RORB: variants seen among roughly 807,000 people sequenced by gnomAD.
RORB encodes the protein RAR related orphan receptor B.
Under a neutral mutation model 59.1 loss-of-function variants are expected in RORB, and 6 were observed. The observed-to-expected ratio is 0.10, with a 90% CI of 0.06 to 0.20. The LOEUF is 0.20. Among genes scored for constraint, RORB ranks in the 10% least tolerant of loss-of-function variants. The pLI is 1.00. For missense variants in RORB, 320 were observed against 560.5 expected, an observed-to-expected ratio of 0.57 and a Z score of 4.33; for synonymous variants, 215 against 204.5, an observed-to-expected ratio of 1.05 and a Z score of -0.44.
intron 1 of RORB, among the ~76,000 whole-genome samples, chr9:74,593,718 C>T (rs769731955): frequency 7.2e-5 from 11 of 152,118 alleles, no homozygotes; most frequent in Non-Finnish European, 1.3e-4. Context: ...GGACAGTGAA[C>T]AATGTTGCTG....
At chr9:74,553,369 T>A (rs1320027796) in intron 1 of RORB, among the ~76,000 whole-genome samples, 1 of 152,154 alleles carries the variant, frequency 6.6e-6, no homozygotes, top group African/African-American at 2.4e-5. Flanking sequence ...TAAGAATTCC[T>A]TGTAAGAATG....
intron 1 of RORB, among the ~76,000 whole-genome samples, chr9:74,541,877 A>G (rs1370540491): frequency 6.6e-6 from 1 of 152,216 alleles, no homozygotes; most frequent in Non-Finnish European, 1.5e-5. Flanking sequence ...GGAGACCTCC[A>G]TGACATTAGA....
chr9:74,653,049 C>T (rs1278517817), intron 4 of RORB, among the ~76,000 whole-genome samples: 2 of 152,188 alleles, frequency 1.3e-5, no homozygotes, highest in Non-Finnish European at 1.5e-5. Flanking sequence ...TCTTTTCTGA[C>T]ATTGCCATCA....
Position 74,538,495 on chromosome 9 carries a change from C to G in RORB, c.7+40512C>G, listed in dbSNP as rs181952205. 7.4e-4 allele frequency among the ~76,000 whole-genome samples: 112 copies of G among 152,074 alleles called. 1 individual carries two copies. Among genetic ancestry groups the G allele is most frequent in the Non-Finnish European group, 1.3e-3 (85 of 67,918 alleles). ...AAATTTCAAGAGATTATTTGTTTTG[C>G]ATAATTTATTGTGAAAGTGCTTCCT... On this transcript the variant is annotated intron_variant, in intron 1 of 9. Coordinates refer to ENST00000376896, the MANE Select transcript of RORB (RefSeq NM_006914.4).
chr9:74,600,942 G>A (rs1257470738), intron 1 of RORB, among the ~76,000 whole-genome samples: 1 of 152,038 alleles, frequency 6.6e-6, no homozygotes, highest in Admixed American at 6.6e-5. Context: ...CATGTTAAGT[G>A]GCAGGTAAAA....
intron 1 of RORB, among the ~76,000 whole-genome samples, chr9:74,583,246 T>C (rs1289886696): frequency 1.3e-5 from 2 of 152,070 alleles, no homozygotes; most frequent in South Asian, 2.1e-4. Context: ...AAGCAGCAGC[T>C]AGACTAAAGA....
intron 1 of RORB, among the ~76,000 whole-genome samples, chr9:74,587,710 G>C (rs778721635): frequency 6.6e-6 from 1 of 152,274 alleles, no homozygotes; most frequent in East Asian, 1.9e-4. Flanking sequence ...GGCTAGCCTG[G>C]GCTTTTTCAC....
chr9:74,603,260 G>A (rs931545456), intron 1 of RORB, among the ~76,000 whole-genome samples: 1 of 152,168 alleles, frequency 6.6e-6, no homozygotes, highest in Non-Finnish European at 1.5e-5. Flanking sequence ...GGCTTTTGCA[G>A]CTCTCTTTGG....
chr9:74,631,326 C>A (rs1823613692), intron 2 of RORB, among the ~76,000 whole-genome samples: 1 of 152,218 alleles, frequency 6.6e-6, no homozygotes, highest in South Asian at 2.1e-4. Context: ...AATGCAGCCA[C>A]AGTCTGGGAG....
intron 1 of RORB, among the ~76,000 whole-genome samples, chr9:74,620,002 C>CT (rs981989665): frequency 2.1e-4 from 32 of 151,832 alleles, no homozygotes; most frequent in African/African-American, 3.9e-4. Context: ...CTAAAATTCT[C>CT]TTTTTTTTGC....
At chr9:74,568,338 T>C (rs1224641541) in intron 1 of RORB, among the ~76,000 whole-genome samples, 2 of 150,666 alleles carry the variant, frequency 1.3e-5, no homozygotes, top group African/African-American at 2.4e-5. Context: ...TAGAGAGAGG[T>C]CACCTAAAAT....
intron 1 of RORB, among the ~76,000 whole-genome samples, chr9:74,528,018 C>T (rs1826180880): frequency 6.6e-6 from 1 of 151,920 alleles, no homozygotes; most frequent in Admixed American, 6.6e-5. Context: ...AACAGATGAC[C>T]ATAAATATAG....
chr9:74,670,576 G>A (rs559439832), intron 8 of RORB, among the ~76,000 whole-genome samples: 4 of 152,156 alleles, frequency 2.6e-5, no homozygotes, highest in Non-Finnish European at 5.9e-5. Flanking sequence ...ACCTAGTGGG[G>A]ACTCTTCCAG....
In RORB at chr9:74,639,395, G is replaced by T. The variant is rs75009705; in HGVS notation, c.236-3019G>T. Reference sequence around the variant, plus strand: ...GCAAACTGACATGGGGAAGGGCATGGAAAGAAATAGACAAGAGGAATCAGG... The same window carrying T: ...GCAAACTGACATGGGGAAGGGCATGTAAAGAAATAGACAAGAGGAATCAGG... On this transcript the variant is annotated intron_variant, in intron 3 of 9. Transcript: ENST00000376896. Among the ~76,000 whole-genome samples the T allele has an allele frequency of 9.7e-3, 1,480 of 152,202 alleles. 21 individuals carry two copies. Among genetic ancestry groups the T allele is most frequent in the African/African-American group, 0.033 (1,375 of 41,518 alleles).
intron 1 of RORB, among the ~76,000 whole-genome samples, chr9:74,524,157 GGGTTTTATGTGA>G (rs1826122306): frequency 6.6e-6 from 1 of 151,670 alleles, no homozygotes; most frequent in Non-Finnish European, 1.5e-5. Context: ...TGCCAGGGTG[GGGTTTTATGTGA>G]GGTGCTAGGA....
chr9:74,664,852 C>T lies in RORB; in HGVS notation c.893-636C>T, dbSNP rs911599740. ...TCAACTGCACTATGGGGCAAAAGCC[C>T]ATTTCTCCAAAACATGGGAAGCTAT... On this transcript the variant is annotated intron_variant, in intron 6 of 9. Transcript: ENST00000376896. Among the ~76,000 whole-genome samples the T allele has an allele frequency of 2.0e-5, 3 of 152,232 alleles. No homozygotes were observed. In the East Asian group the frequency reaches 5.8e-4, roughly 29 times the overall value.
rs555264162 is a variant in RORB at position 74,603,300 on chromosome 9, G to A, written c.8-26982G>A. ...ATGGCAGTGAGCTCAGCCACAGGAC[G>A]GGCAGTTTTCATGCTCAGTAGCAAC... is the stretch of plus-strand genomic sequence containing the variant. On this transcript the variant is annotated intron_variant, in intron 1 of 9. Transcript: ENST00000376896. Among the ~76,000 whole-genome samples, 19 of 152,220 alleles carry A rather than the reference G, an allele frequency of 1.2e-4. No individual in the cohort carries two copies. In the East Asian group the frequency reaches 1.5e-3, roughly 12 times the overall value.
chr9:74,633,458 A>G (rs532261517), intron 2 of RORB, among the ~76,000 whole-genome samples: 1 of 152,318 alleles, frequency 6.6e-6, no homozygotes, highest in East Asian at 1.9e-4. Flanking sequence ...ATGCTATGGG[A>G]TATCTCTTCC....
At chr9:74,637,694 T>A (rs943858071) in intron 3 of RORB, among the ~76,000 whole-genome samples, 13 of 152,216 alleles carry the variant, frequency 8.5e-5, no homozygotes, top group African/African-American at 3.1e-4. Flanking sequence ...CCAAGTGGCA[T>A]GTCTCTACAA....
Sources: gnomAD v4.1 joint callset for allele counts (sites outside exome capture counted in the v4.1 genomes callset) on GRCh38, gnomAD v4.1.1 for gene constraint, MANE v1.5 for transcripts, NCBI Gene and HGNC (gene_info 2026-07-23, HGNC 2026-07-21) for gene names.